PYY: variants seen among roughly 807,000 people sequenced by gnomAD.
PYY encodes peptide YY.
Under a neutral mutation model 10.3 loss-of-function variants are expected in PYY, and 12 were observed. The ratio of observed to expected loss-of-function variants is 1.17; its 90% CI spans 0.75 to 1.89. PYY has a LOEUF of 1.89. PYY is among the 40% of genes most tolerant of loss of function. The pLI is 0.00. For missense variants in PYY, 141 were observed against 134.0 expected, an observed-to-expected ratio of 1.05 and a Z score of -0.26; for synonymous variants, 66 against 62.0, an observed-to-expected ratio of 1.06 and a Z score of -0.30.
chr17:43,980,327 C>A lies in PYY; in HGVS notation c.-462-13795G>T, dbSNP rs576086770. ...TACAGGCATGCGCCACCATGCCCGG[C>A]TAATTTTTGTATTTTTAGTAGAGAT... On this transcript the variant is annotated intron_variant, in intron 1 of 6. Coordinates refer to the PYY transcript ENST00000360085. Among the ~76,000 whole-genome samples the A allele has an allele frequency of 6.6e-5, 10 of 151,912 alleles. No homozygotes were observed. The East Asian group carries it at 1.9e-3, about 29-fold the overall frequency.
At chr17:43,980,197 T>C (rs1299106598) in intron 1 of PYY, among the ~76,000 whole-genome samples, 4 of 140,620 alleles carry the variant, frequency 2.8e-5, no homozygotes, top group African/African-American at 1.1e-4. Flanking sequence ...AGAGTCTCAC[T>C]CTGTTGCCCA....
intron 1 of PYY, among the ~76,000 whole-genome samples, chr17:44,003,409 C>T (rs559360987): frequency 9.2e-5 from 14 of 152,192 alleles, no homozygotes; most frequent in African/African-American, 2.9e-4. Context: ...GTAATCCCAG[C>T]ACTTTGGGAG....
Position 43,975,728 on chromosome 17 carries a change from ATAT to A in PYY, c.-462-9199_-462-9197del, listed in dbSNP as rs374904743. 0.025 allele frequency among the ~76,000 whole-genome samples: 1,884 copies of A among 75,544 alleles called. 376 individuals carry two copies. In the East Asian group the frequency reaches 0.38, roughly 15 times the overall value. 49.6% of individuals were successfully genotyped at this position (75,544 alleles called of 152,430 possible). A position where few individuals can be genotyped will look rare whatever the true frequency, so the allele number is the denominator to read the frequency against. On this transcript the variant is annotated intron_variant, in intron 1 of 6. Coordinates refer to the PYY transcript ENST00000360085. ...GAGTAAGACCCTGAAAAAAAAAAAT[ATAT>A]ATATATATATATATACACACACACA...
rs67609128 is a variant in PYY, at chr17:43,965,789, C to CAAAAAAAA, written c.-218+491_-218+498dup. On this transcript the variant is annotated intron_variant, in intron 2 of 6. Transcript: ENST00000360085. ...GGCAACAGAGTGAGAATCCATCTCA[C>CAAAAAAAA]AAAAAAAAAAAAAAAAAAAAAAAAA... is the stretch of plus-strand genomic sequence containing the variant. Among the ~76,000 whole-genome samples the CAAAAAAAA allele has an allele frequency of 5.5e-3, 177 of 31,926 alleles. 2 individuals are homozygous for CAAAAAAAA. The highest frequency in any genetic ancestry group is 8.1e-3 in the African/African-American group (71 of 8,762). 20.9% of individuals were successfully genotyped at this position (31,926 alleles called of 152,430 possible). A position where few individuals can be genotyped will look rare whatever the true frequency, so the allele number is the denominator to read the frequency against.
chr17:43,983,039 C>T (rs935411446), intron 1 of PYY, among the ~76,000 whole-genome samples: 1 of 152,054 alleles, frequency 6.6e-6, no homozygotes, highest in Non-Finnish European at 1.5e-5. Context: ...CAAGACCAGC[C>T]TGGCCAACAT....
chr17:43,992,002 G>GT (rs1323766615), intron 1 of PYY, among the ~76,000 whole-genome samples: 18 of 150,892 alleles, frequency 1.2e-4, no homozygotes, highest in African/African-American at 1.7e-4. Context: ...GGCGCCTGTA[G>GT]CCCAGCTACT....
intron 1 of PYY, among the ~76,000 whole-genome samples, chr17:43,988,634 T>C (rs1171750648): frequency 6.6e-6 from 1 of 152,212 alleles, no homozygotes; most frequent in Non-Finnish European, 1.5e-5. Context: ...TGACATTTTA[T>C]TGTTTTGATA....
chr17:43,980,484 G>GTT (rs201467595), intron 1 of PYY, among the ~76,000 whole-genome samples: 4 of 146,522 alleles, frequency 2.7e-5, no homozygotes, highest in Non-Finnish European at 6.0e-5. Flanking sequence ...GTTTTGTTTT[G>GTT]TTTTTTTTGA....
At chr17:43,977,576 G>C (rs1429136324) in intron 1 of PYY, among the ~76,000 whole-genome samples, 2 of 152,148 alleles carry the variant, frequency 1.3e-5, no homozygotes, top group East Asian at 3.9e-4. Flanking sequence ...GACTCTCCCT[G>C]CTCCATGCCC....
At chr17:44,002,193 CCCCCCCG>C (rs1378729742) in intron 1 of PYY, among the ~76,000 whole-genome samples, 1 of 151,926 alleles carries the variant, frequency 6.6e-6, no homozygotes, top group Non-Finnish European at 1.5e-5. Flanking sequence ...TACAGAGTCT[CCCCCCCG>C]GGACAGTGTG....
At chr17:43,984,793 G>A (rs1373683746) in intron 1 of PYY, among the ~76,000 whole-genome samples, 1 of 151,740 alleles carries the variant, frequency 6.6e-6, no homozygotes. Flanking sequence ...CAGCTCTGAG[G>A]TTATTGAAAT....
chr17:43,952,952 G>A lies in PYY; in HGVS notation c.*4C>T. The A allele has an allele frequency of 6.5e-7, 1 of 1,548,518 alleles. No homozygotes were observed. The highest frequency in any genetic ancestry group is 1.4e-5 in the African/African-American group (1 of 72,146). ...GCAGATCTCCCAGGAGGCCTCAGGG[G>A]TCCTCACCACAGGTCTGGGCCCTCC... On this transcript the variant is annotated 3_prime_UTR_variant, in exon 4 of 4. Transcript: ENST00000692052.
At chr17:43,986,317 T>C (rs1037074840) in intron 1 of PYY, among the ~76,000 whole-genome samples, 1 of 152,180 alleles carries the variant, frequency 6.6e-6, no homozygotes, top group African/African-American at 2.4e-5. Context: ...CTTTCTTTCC[T>C]GAACACGTCG....
At chr17:43,998,353 T>C (rs920990724) in intron 1 of PYY, among the ~76,000 whole-genome samples, 3 of 151,124 alleles carry the variant, frequency 2.0e-5, no homozygotes, top group Non-Finnish European at 4.4e-5. Context: ...GGCTCAAGAG[T>C]TCGAGACCAG....
At chr17:43,953,523 C>G (rs1432481699) in intron 1 of PYY, 40 bp from the exon 2 acceptor site, 1 of 1,512,128 alleles carries the variant, frequency 6.6e-7, no homozygotes, top group Non-Finnish European at 8.9e-7. Context: ...TTCCAAGCCT[C>G]GACCCTACAC....
chr17:43,953,539 G>C lies in PYY; in HGVS notation c.1-56C>G, dbSNP rs1048002480. The C allele has an allele frequency of 2.7e-6, 4 of 1,469,808 alleles. No homozygotes were observed. In the African/African-American group the frequency reaches 5.7e-5, roughly 21 times the overall value. The allele number at this position is 1,469,808 out of a possible 1,614,324, so 91.0% of individuals were successfully genotyped here. On this transcript the variant is annotated intron_variant, in intron 1 of 3. Transcript: ENST00000692052. ...TCCAAGCCTCGACCCTACACGGCGG[G>C]AGGCTGCGGCTGCCGTCGGGGCCGC... is the stretch of plus-strand genomic sequence containing the variant.
intron 1 of PYY, among the ~76,000 whole-genome samples, chr17:43,983,432 C>G (rs556853498): frequency 6.6e-5 from 10 of 152,286 alleles, no homozygotes; most frequent in Admixed American, 3.9e-4. Context: ...GCTCAGTGCC[C>G]CAAAGACCCA....
At chr17:43,963,167 C>T (rs1267589831) in intron 2 of PYY, among the ~76,000 whole-genome samples, 1 of 152,090 alleles carries the variant, frequency 6.6e-6, no homozygotes, top group East Asian at 1.9e-4. Flanking sequence ...TAAAAATTAG[C>T]AATGTAAAAG....
At chr17:43,976,497 TGTG>T (rs1175347625) in intron 1 of PYY, among the ~76,000 whole-genome samples, 1 of 151,826 alleles carries the variant, frequency 6.6e-6, no homozygotes, top group African/African-American at 2.4e-5. Flanking sequence ...GCCAGCCACG[TGTG>T]GTGGCTCACG....
Sources: allele counts gnomAD v4.1 joint callset (sites outside exome capture counted in the v4.1 genomes callset), GRCh38; gene constraint gnomAD v4.1.1; transcripts MANE v1.5; gene names NCBI Gene and HGNC (gene_info 2026-07-23, HGNC 2026-07-21).